The following MFN2 variants were observed in gnomAD, a reference collection of about 807,000 sequenced individuals.
The protein encoded by MFN2 is mitofusin 2, also known as mitofusin-2.
In MFN2, 43 loss-of-function variants were observed where a neutral mutation model predicts 87.5. That is an observed-to-expected ratio of 0.49 (90% CI 0.38 to 0.63). The LOEUF is 0.63. Among genes scored for constraint, MFN2 ranks in the 30% least tolerant of loss-of-function variants. The pLI, the probability that MFN2 is intolerant of heterozygous loss-of-function variation, is 0.00. For missense variants in MFN2, 743 were observed against 972.8 expected, an observed-to-expected ratio of 0.76 and a Z score of 3.14; for synonymous variants, 337 against 359.9, an observed-to-expected ratio of 0.94 and a Z score of 0.72.
chr1:11,985,521 C>T (rs1221361217), intron 2 of MFN2, among the ~76,000 whole-genome samples: 1 of 134,516 alleles, frequency 7.4e-6, no homozygotes, highest in Non-Finnish European at 1.5e-5. Context: ...GGCTGGAGTA[C>T]AGTGGCGAGA....
rs948203067 is a variant in MFN2 at position 12,011,544 on chromosome 1, G to A, written c.2253G>A (p.Gln751=). The A allele has an allele frequency of 1.2e-6, 2 of 1,614,014 alleles. No homozygotes were observed. Among genetic ancestry groups the A allele is most frequent in the African/African-American group, 2.7e-5 (2 of 74,918 alleles). The change falls in exon 19 of 19, where the codon CAG becomes CAA. Residue 751 remains glutamine (Q), a synonymous_variant. Coordinates refer to ENST00000235329, the MANE Select transcript of MFN2 (RefSeq NM_014874.4). The part of the protein sequence containing the change: ...LDSELNMFTH[Q]YLQPSR ...GTGAGCTCAACATGTTCACACACCA[G>A]TACCTGCAGCCCAGCAGATAGTGGG...
Position 12,011,802 on chromosome 1 carries a change from G to C in MFN2, c.*237G>C, listed in dbSNP as rs907129403. ...AAGGACACTTTCAGCGACAGCTATG[G>C]ACAGCATGGTACCAAGGAGTTAAGT... On this transcript the variant is annotated 3_prime_UTR_variant, in exon 19 of 19. Coordinates refer to ENST00000235329, the MANE Select transcript of MFN2 (RefSeq NM_014874.4). 1 of 594,302 alleles carries C rather than the reference G, an allele frequency of 1.7e-6. No individual in the cohort carries two copies. Among genetic ancestry groups the C allele is most frequent in the Non-Finnish European group, 3.0e-6 (1 of 332,900 alleles). The allele number at this position is 594,302 out of a possible 1,614,324, so 36.8% of individuals were successfully genotyped here. A position where few individuals can be genotyped will look rare whatever the true frequency, so the allele number is the denominator to read the frequency against.
At chr1:11,992,405 A>G (rs2100812004) in intron 3 of MFN2, 150 bp from the exon 4 acceptor site, 1 of 969,350 alleles carries the variant, frequency 1.0e-6, no homozygotes, top group South Asian at 1.3e-5. Flanking sequence ...TGGGGCCACC[A>G]TAGAGGATCT....
intron 2 of MFN2, chr1:11,982,712 GA>G (rs1289685719): frequency 6.6e-6 from 1 of 152,204 alleles, no homozygotes; most frequent in Non-Finnish European, 1.5e-5. Flanking sequence ...AGCCTAGGTT[GA>G]GGCAAAGCTG....
At chr1:12,007,925 A>G (rs1639494615) in intron 17 of MFN2, among the ~76,000 whole-genome samples, 2 of 152,056 alleles carry the variant, frequency 1.3e-5, no homozygotes, top group African/African-American at 4.8e-5. Flanking sequence ...GTCCCTGGGT[A>G]CTTGAGATTA....
In MFN2 at chr1:12,012,594, C is replaced by T. The variant is rs1639739087; in HGVS notation, c.*1029C>T. ...GCCCTTTAAGAGACATGTTTCCACC[C>T]CACCCCCAACCTTGTCCCAAGTGCC... On this transcript the variant is annotated 3_prime_UTR_variant, in exon 19 of 19. Transcript: ENST00000235329. 6.6e-6 allele frequency: 1 copy of T among 152,306 alleles called. No homozygotes were observed. Among genetic ancestry groups the T allele is most frequent in the Non-Finnish European group, 1.5e-5 (1 of 68,086 alleles). 9.4% of individuals were successfully genotyped at this position (152,306 alleles called of 1,614,324 possible).
intron 4 of MFN2, 149 bp downstream of exon 4, chr1:11,992,839 T>A: frequency 8.9e-7 from 1 of 1,124,250 alleles, no homozygotes; most frequent in Non-Finnish European, 1.2e-6. Context: ...TTATTTGATT[T>A]TTGAGACAGG....
Position 12,004,670 on chromosome 1 carries a change from CCT to C in MFN2, c.1392+58_1392+59del, listed in dbSNP as rs1639325103. ...GGAGGCCCCCAAAAGTGATTCAACC[CCT>C]GTTGGTCTGGGTCAGGGCCCCCCAG... On this transcript the variant is annotated intron_variant, in intron 13 of 18. Transcript: ENST00000235329. The surrounding 1 kb of genome is among the most constrained non-coding windows in gnomAD (Gnocchi z 4.2). 1 of 1,561,720 alleles carries C rather than the reference CCT, an allele frequency of 6.4e-7. No individual in the cohort carries two copies. Among genetic ancestry groups the C allele is most frequent in the Non-Finnish European group, 8.8e-7 (1 of 1,132,828 alleles).
rs992910267 is a variant in MFN2, at chr1:12,002,189, T to A, written c.1160+86T>A. 5 of 1,604,496 alleles carry A rather than the reference T, an allele frequency of 3.1e-6. No individual in the cohort carries two copies. In the African/African-American group the frequency reaches 6.7e-5, roughly 21 times the overall value. On this transcript the variant is annotated intron_variant, in intron 11 of 18. Transcript: ENST00000235329. ...TGCCTTGGGCAGTTAGGACACGCCT[T>A]GATGGCAGGGCTGAGTCTCTGGGCT...
intron 14 of MFN2, 93 bp downstream of exon 14, chr1:12,005,020 T>C: frequency 1.0e-6 from 1 of 969,744 alleles, no homozygotes; most frequent in Non-Finnish European, 1.6e-6. Flanking sequence ...ACTTTCCTTA[T>C]CTGTCACTTT....
intron 8 of MFN2, 64 bp downstream of exon 8, chr1:11,999,159 G>A: frequency 7.8e-7 from 1 of 1,288,770 alleles, no homozygotes; most frequent in Non-Finnish European, 1.1e-6. Flanking sequence ...TGCCACTGGG[G>A]CCACTTCCTG....
intron 3 of MFN2, among the ~76,000 whole-genome samples, chr1:11,990,745 G>A (rs562661174): frequency 5.3e-5 from 8 of 152,254 alleles, no homozygotes; most frequent in African/African-American, 1.9e-4. Flanking sequence ...GCTGGCTCTC[G>A]CTTTTAAGTG....
rs1252546774 is a variant in MFN2 at position 12,003,923 on chromosome 1, G to C, written c.1161-69G>C. On this transcript the variant is annotated intron_variant, in intron 11 of 18. Transcript: ENST00000235329. The surrounding 1 kb of genome is among the most constrained non-coding windows in gnomAD (Gnocchi z 4.1). Reference sequence around the variant, plus strand: ...GCGGGCAGGGCGGCGTGGGATTTCTGGCATCCCCTCTTGCTCCTCTGCTTA... The same window carrying C: ...GCGGGCAGGGCGGCGTGGGATTTCTCGCATCCCCTCTTGCTCCTCTGCTTA... 2.5e-6 allele frequency: 4 copies of C among 1,606,672 alleles called. No individual in the cohort carries two copies. The South Asian group carries it at 4.4e-5, about 18-fold the overall frequency.
Position 12,001,453 on chromosome 1 carries a change from G to T in MFN2, c.869G>T (p.Gly290Val). The T allele has an allele frequency of 6.2e-7, 1 of 1,614,024 alleles. No individual in the cohort carries two copies. The highest frequency in any genetic ancestry group is 8.5e-7 in the Non-Finnish European group (1 of 1,179,974). The change falls in exon 9 of 19, where the codon GGC becomes GTC. Residue 290 changes from glycine to valine, a missense_variant. Physicochemically the swap from Gly to Val is moderately radical, Grantham distance 109. This residue lies in a region of MFN2 where 571 missense variants were observed against 670.7 expected (regional missense o/e 0.85). Transcript: ENST00000235329. Reference protein sequence around the residue: ...RCTSFLVDELGVVDRSQAGDR... With the variant: ...RCTSFLVDELVVVDRSQAGDR... The stretch of plus-strand genomic sequence containing the variant: ...ACCAGCTTCCTGGTGGATGAGCTGG[G>T]CGTGGTGGATCGATCCCAGGCCGGG...
intron 2 of MFN2, among the ~76,000 whole-genome samples, chr1:11,986,748 G>A (rs1490244655): frequency 6.6e-6 from 1 of 151,944 alleles, no homozygotes; most frequent in African/African-American, 2.4e-5. Flanking sequence ...CTGCCACCAT[G>A]CCTGGCTAAT....
At chr1:11,988,227 A>G (rs894842715) in intron 2 of MFN2, among the ~76,000 whole-genome samples, 1 of 151,490 alleles carries the variant, frequency 6.6e-6, no homozygotes, top group Non-Finnish European at 1.5e-5. Context: ...TCAGCCTCCC[A>G]AGTAGCTGGG....
Position 12,008,938 on chromosome 1 carries a change from C to G in MFN2, c.2070-654C>G, listed in dbSNP as rs527304929. Among the ~76,000 whole-genome samples, 777 of 152,370 alleles carry G rather than the reference C, an allele frequency of 5.1e-3. 7 individuals carry two copies. The highest frequency in any genetic ancestry group is 0.017 in the African/African-American group (709 of 41,590). On this transcript the variant is annotated intron_variant, in intron 17 of 18. Coordinates refer to ENST00000235329, the MANE Select transcript of MFN2 (RefSeq NM_014874.4). ...GAGCACTGAGTGAACGAGACTCCAT[C>G]TGCAATCCCGGCACCTCGGGAGGCC...
intron 5 of MFN2, 42 bp from the exon 6 acceptor site, chr1:11,997,255 T>G: frequency 1.2e-6 from 2 of 1,612,950 alleles, no homozygotes; most frequent in South Asian, 1.1e-5. Flanking sequence ...CCTGGCCTGG[T>G]GGTTCCTCCT....
At chr1:11,993,128 A>G (rs950189363) in intron 4 of MFN2, among the ~76,000 whole-genome samples, 1 of 151,512 alleles carries the variant, frequency 6.6e-6, no homozygotes, top group Non-Finnish European at 1.5e-5. Context: ...CCATTAAACA[A>G]TAACTCCCTG....
Sources: allele counts gnomAD v4.1 joint callset (sites outside exome capture counted in the v4.1 genomes callset), GRCh38; gene constraint gnomAD v4.1.1; regional missense constraint gnomAD v4.1.1; non-coding constraint Gnocchi (gnomAD v3.1); transcripts MANE v1.5; gene names NCBI Gene and HGNC (gene_info 2026-07-23, HGNC 2026-07-21).